CAMK2D: variants seen among roughly 807,000 people sequenced by gnomAD.
CAMK2D encodes calcium/calmodulin dependent protein kinase II delta.
A neutral mutation model predicts 84.0 loss-of-function variants in CAMK2D; 37 were observed. That is an observed-to-expected ratio of 0.44 (90% CI 0.34 to 0.58). The LOEUF (loss-of-function observed/expected upper bound fraction) is 0.58, where lower values mean the gene tolerates loss of function less well. CAMK2D is among the 20% of genes least tolerant of loss of function. CAMK2D has a pLI of 0.02. For synonymous variants in CAMK2D, 202 were observed against 212.5 expected (o/e 0.95, Z 0.43); for missense variants, 448 against 652.5 (o/e 0.69, Z 3.41).
At chr4:113,545,037 C>T (rs1316815285) in intron 6 of CAMK2D, among the ~76,000 whole-genome samples, 2 of 152,174 alleles carry the variant, frequency 1.3e-5, no homozygotes, top group South Asian at 2.1e-4. Flanking sequence ...GATCTTTATT[C>T]TGAAGATATA....
chr4:113,530,407 T>C (rs1221333396), intron 8 of CAMK2D, among the ~76,000 whole-genome samples: 1 of 152,214 alleles, frequency 6.6e-6, no homozygotes, highest in Non-Finnish European at 1.5e-5. Flanking sequence ...CATGTGGCAA[T>C]CAACGTTGGC....
rs1431210522 is a variant in CAMK2D at position 113,616,329 on chromosome 4, A to C, written c.221-7123T>G. 2.6e-5 allele frequency among the ~76,000 whole-genome samples: 4 copies of C among 152,238 alleles called. No homozygotes were observed. The South Asian group carries it at 8.3e-4, about 32-fold the overall frequency. On this transcript the variant is annotated intron_variant, in intron 3 of 20. Coordinates refer to ENST00000511664, the MANE Select transcript of CAMK2D (RefSeq NM_001321571.2). ...AAGTCCTGAAGGTCAAAGCATATCA[A>C]CTCTGGTGACTATGGTCTCCATCCT...
intron 16 of CAMK2D, among the ~76,000 whole-genome samples, chr4:113,489,355 G>C (rs1021845779): frequency 7.6e-6 from 1 of 132,366 alleles, no homozygotes; most frequent in Admixed American, 8.1e-5. Context: ...TGATCTCATA[G>C]TTCAATTCCC....
chr4:113,540,682 A>G (rs1260587761), intron 6 of CAMK2D, among the ~76,000 whole-genome samples: 3 of 152,206 alleles, frequency 2.0e-5, no homozygotes, highest in Non-Finnish European at 4.4e-5. Context: ...ATTTTATCAT[A>G]GGAGCTCTGT....
At position 113,451,788 on chromosome 4, in the gene CAMK2D, A is replaced by G. The variant is rs1275964917; in HGVS notation, c.*2757T>C. 2.6e-5 allele frequency: 4 copies of G among 152,258 alleles called. No homozygotes were observed. Among genetic ancestry groups the G allele is most frequent in the Non-Finnish European group, 5.9e-5 (4 of 68,076 alleles). 9.4% of individuals were successfully genotyped at this position (152,258 alleles called of 1,614,324 possible). A position where few individuals can be genotyped will look rare whatever the true frequency, so the allele number is the denominator to read the frequency against. On this transcript the variant is annotated 3_prime_UTR_variant, in exon 21 of 21. Coordinates refer to ENST00000511664, the MANE Select transcript of CAMK2D (RefSeq NM_001321571.2). ...ATATTTTCAAAACAATGTGGTTGAC[A>G]GGAGAGGTAAATACAATCTATTATG...
intron 2 of CAMK2D, among the ~76,000 whole-genome samples, chr4:113,664,396 A>G (rs1259904852): frequency 1.3e-5 from 2 of 152,202 alleles, no homozygotes; most frequent in African/African-American, 2.4e-5. Flanking sequence ...GTCTCTCACC[A>G]GGCTGCAATC....
Position 113,631,675 on chromosome 4 carries a change from T to C in CAMK2D, c.221-22469A>G, listed in dbSNP as rs557393857. On this transcript the variant is annotated intron_variant, in intron 3 of 20. Transcript: ENST00000511664. ...CTATTGTCGTTGGCATCTATTTGCT[T>C]TTCATTAGGTTGGAACTGAACTAGA... 1.6e-3 allele frequency among the ~76,000 whole-genome samples: 237 copies of C among 152,294 alleles called. 3 individuals carry two copies. Among genetic ancestry groups the C allele is most frequent in the Non-Finnish European group, 2.1e-3 (141 of 68,018 alleles).
intron 1 of CAMK2D, 79 bp downstream of exon 1, chr4:113,760,925 G>A (rs2099639948): frequency 1.9e-6 from 3 of 1,573,794 alleles, no homozygotes; most frequent in Non-Finnish European, 2.6e-6. Context: ...GCCCCAAGAC[G>A]GAGGCCGGTG....
chr4:113,578,607 T>C (rs1043381642), intron 4 of CAMK2D, among the ~76,000 whole-genome samples: 3 of 152,206 alleles, frequency 2.0e-5, no homozygotes, highest in Admixed American at 2.0e-4. Context: ...GGATTTTATG[T>C]TACAGTTTAA....
At chr4:113,454,945 C>G in intron 20 of CAMK2D, among the ~76,000 whole-genome samples, 1 of 152,148 alleles carries the variant, frequency 6.6e-6, no homozygotes, top group East Asian at 1.9e-4. Flanking sequence ...ACCTAGAAGT[C>G]AATTTAACAA....
intron 2 of CAMK2D, among the ~76,000 whole-genome samples, chr4:113,668,444 T>C (rs921302244): frequency 1.3e-5 from 2 of 152,174 alleles, no homozygotes; most frequent in Non-Finnish European, 1.5e-5. Flanking sequence ...CACCAGGCAC[T>C]GTATCTGGAA....
intron 3 of CAMK2D, among the ~76,000 whole-genome samples, chr4:113,621,822 C>A (rs918746229): frequency 2.6e-5 from 4 of 152,126 alleles, no homozygotes; most frequent in Admixed American, 6.6e-5. Flanking sequence ...AAGGCATATC[C>A]CATAAAGCAT....
At chr4:113,720,865 C>T (rs2099528684) in intron 2 of CAMK2D, among the ~76,000 whole-genome samples, 2 of 151,944 alleles carry the variant, frequency 1.3e-5, no homozygotes, top group Admixed American at 6.6e-5. Flanking sequence ...ATATGATGCC[C>T]AATTGTATTA....
chr4:113,753,313 T>C (rs1337719444), intron 2 of CAMK2D, among the ~76,000 whole-genome samples: 1 of 151,986 alleles, frequency 6.6e-6, no homozygotes, highest in Non-Finnish European at 1.5e-5. Flanking sequence ...ATGATGAAGA[T>C]GGCATTATTG....
intron 17 of CAMK2D, among the ~76,000 whole-genome samples, chr4:113,462,508 C>T (rs977358553): frequency 3.3e-5 from 5 of 152,088 alleles, no homozygotes; most frequent in Admixed American, 1.3e-4. Context: ...TCTACCATCC[C>T]AAAAGCTCTC....
At chr4:113,723,777 C>T (rs549574219) in intron 2 of CAMK2D, among the ~76,000 whole-genome samples, 1 of 152,146 alleles carries the variant, frequency 6.6e-6, no homozygotes, top group East Asian at 1.9e-4. Context: ...CCATAAAAGA[C>T]ATAGGTAGCA....
Position 113,584,624 on chromosome 4 carries a change from G to A in CAMK2D, c.275+24528C>T, listed in dbSNP as rs115275577. Among the ~76,000 whole-genome samples the A allele has an allele frequency of 3.5e-3, 538 of 152,208 alleles. 3 individuals are homozygous for A. Among genetic ancestry groups the A allele is most frequent in the African/African-American group, 0.012 (502 of 41,520 alleles). On this transcript the variant is annotated intron_variant, in intron 4 of 20. Transcript: ENST00000511664. ...GTCAGTTCACTTCTATTTTCAGTCCGTAAGTTATTTGGCTCAGGTTACAAA... is the reference window on the plus strand; with the variant it reads ...GTCAGTTCACTTCTATTTTCAGTCCATAAGTTATTTGGCTCAGGTTACAAA...
At chr4:113,540,360 A>G (rs2098522044) in intron 6 of CAMK2D, among the ~76,000 whole-genome samples, 1 of 152,188 alleles carries the variant, frequency 6.6e-6, no homozygotes, top group African/African-American at 2.4e-5. Flanking sequence ...ATTATTTGCT[A>G]CTATTCCACT....
intron 3 of CAMK2D, among the ~76,000 whole-genome samples, chr4:113,654,728 A>C (rs1244260220): frequency 1.3e-5 from 2 of 152,008 alleles, no homozygotes; most frequent in African/African-American, 4.8e-5. Context: ...GTGACTTTGG[A>C]CAAATCATAT....
Sources: gnomAD v4.1 joint callset for allele counts (sites outside exome capture counted in the v4.1 genomes callset) on GRCh38, gnomAD v4.1.1 for gene constraint, MANE v1.5 for transcripts, NCBI Gene and HGNC (gene_info 2026-07-23, HGNC 2026-07-21) for gene names.